PALLD: variants seen among roughly 807,000 people sequenced by gnomAD.
PALLD encodes the protein palladin, cytoskeletal associated protein.
Under a neutral mutation model 123.5 loss-of-function variants are expected in PALLD, and 61 were observed. That is an observed-to-expected ratio of 0.49 (90% CI 0.40 to 0.61). The LOEUF (loss-of-function observed/expected upper bound fraction) is 0.61. Among genes scored for constraint, PALLD ranks in the 20% least tolerant of loss-of-function variants. The pLI, the probability that PALLD is intolerant of heterozygous loss-of-function variation, is 0.00. For missense variants in PALLD, 1,273 were observed against 1,377.0 expected, an observed-to-expected ratio of 0.92 and a Z score of 1.20; for synonymous variants, 465 against 496.4, an observed-to-expected ratio of 0.94 and a Z score of 0.84.
At chr4:168,498,308 G>A (rs771258210) in intron 1 of PALLD, among the ~76,000 whole-genome samples, 49 of 151,844 alleles carry the variant, frequency 3.2e-4, no homozygotes, top group Non-Finnish European at 6.2e-4. Flanking sequence ...GTATCCCAGG[G>A]GTTCTGTGTC....
At chr4:168,905,790 C>CTTTTTTTTTT (rs59427697) in intron 15 of PALLD, among the ~76,000 whole-genome samples, 240 of 113,134 alleles carry the variant, frequency 2.1e-3, no homozygotes, top group South Asian at 3.4e-3. Flanking sequence ...GCTTTTTTTT[C>CTTTTTTTTTT]TTTTTTTTTT....
intron 17 of PALLD, among the ~76,000 whole-genome samples, chr4:168,917,045 TG>T (rs34363729): frequency 0.016 from 2,191 of 136,080 alleles, 53 homozygotes; most frequent in African/African-American, 0.041. Flanking sequence ...TTTGTTTTTT[TG>T]GGGTTTTTTT....
chr4:168,783,046 A>ATGTGTGTGTGTGTG (rs150595576), intron 10 of PALLD, among the ~76,000 whole-genome samples: 2 of 116,056 alleles, frequency 1.7e-5, no homozygotes, highest in African/African-American at 5.8e-5. Flanking sequence ...TTATATATAT[A>ATGTGTGTGTGTGTG]TGTGTGTGTG....
chr4:168,749,751 G>A (rs1730789530), intron 10 of PALLD, among the ~76,000 whole-genome samples: 1 of 152,072 alleles, frequency 6.6e-6, no homozygotes, highest in Non-Finnish European at 1.5e-5. Context: ...AGGTTCAGGA[G>A]GTACACGTGC....
chr4:168,921,257 A>C (rs993569302), intron 17 of PALLD, among the ~76,000 whole-genome samples: 4 of 151,832 alleles, frequency 2.6e-5, no homozygotes, highest in Non-Finnish European at 4.4e-5. Context: ...AATACTAAAA[A>C]TTAGGCTGGC....
intron 2 of PALLD, among the ~76,000 whole-genome samples, chr4:168,513,245 TAAATC>T (rs1266494026): frequency 6.6e-6 from 1 of 152,118 alleles, no homozygotes; most frequent in African/African-American, 2.4e-5. Flanking sequence ...GAAAGAAAGA[TAAATC>T]AAGTCAGGAG....
chr4:168,889,138 T>TTGTGTGTGTGTGTGTGTGTGTG (rs143065658), intron 10 of PALLD, among the ~76,000 whole-genome samples: 32 of 132,248 alleles, frequency 2.4e-4, no homozygotes, highest in African/African-American at 8.7e-4. Flanking sequence ...TTGCTTTATT[T>TTGTGTGTGTGTGTGTGTGTGTG]TGTGTGTGTG....
intron 10 of PALLD, among the ~76,000 whole-genome samples, chr4:168,796,801 C>A (rs1738577772): frequency 6.6e-6 from 1 of 152,138 alleles, no homozygotes; most frequent in Admixed American, 6.5e-5. Flanking sequence ...ACCCACTTAC[C>A]TTTTCATAGT....
chr4:168,517,648 G>C (rs575645905), intron 2 of PALLD, among the ~76,000 whole-genome samples: 1 of 152,250 alleles, frequency 6.6e-6, no homozygotes, highest in Non-Finnish European at 1.5e-5. Context: ...CTAAGGGTAA[G>C]AAAATATGGT....
intron 2 of PALLD, among the ~76,000 whole-genome samples, chr4:168,599,823 T>C (rs886509772): frequency 3.3e-5 from 5 of 152,206 alleles, no homozygotes. Context: ...AATCTTTCTA[T>C]GTATGTAACC....
intron 10 of PALLD, among the ~76,000 whole-genome samples, chr4:168,855,086 G>GTTA (rs1748381891): frequency 1.0e-5 from 1 of 100,178 alleles, no homozygotes. Context: ...GAGAAGGAAT[G>GTTA]TTCTTTTTTT....
At chr4:168,785,361 G>A (rs752047860) in intron 10 of PALLD, among the ~76,000 whole-genome samples, 9 of 151,996 alleles carry the variant, frequency 5.9e-5, no homozygotes, top group Admixed American at 1.3e-4. Flanking sequence ...AAGTTCACTC[G>A]GCTAGAACAT....
chr4:168,599,155 G>A (rs1772293324), intron 2 of PALLD, among the ~76,000 whole-genome samples: 1 of 152,180 alleles, frequency 6.6e-6, no homozygotes, highest in Non-Finnish European at 1.5e-5. Flanking sequence ...AGAATTCAGA[G>A]TTAAGAGATG....
intron 10 of PALLD, among the ~76,000 whole-genome samples, chr4:168,874,846 A>G (rs1240806327): frequency 6.6e-6 from 1 of 152,114 alleles, no homozygotes; most frequent in Non-Finnish European, 1.5e-5. Flanking sequence ...CCTTTCCTTC[A>G]GTATCAAAAC....
rs1486303113 is a variant in PALLD at position 168,862,489 on chromosome 4, ACAGT to A, written c.1965-28430_1965-28427del. On this transcript the variant is annotated intron_variant, in intron 10 of 21. Coordinates refer to ENST00000505667, the MANE Select transcript of PALLD (RefSeq NM_001166108.2). Reference sequence around the variant, plus strand: ...ATGACTACTGTACTGATTTTCAGGAACAGTCATTGTGCTTTAATTCTCTAAGCCA... The same window carrying A: ...ATGACTACTGTACTGATTTTCAGGAACATTGTGCTTTAATTCTCTAAGCCA... Among the ~76,000 whole-genome samples, 6 of 152,216 alleles carry A rather than the reference ACAGT, an allele frequency of 3.9e-5. 1 individual carries two copies. The South Asian group carries it at 1.0e-3, about 26-fold the overall frequency.
intron 3 of PALLD, among the ~76,000 whole-genome samples, chr4:168,673,402 C>T (rs1171358207): frequency 6.6e-6 from 1 of 152,072 alleles, no homozygotes; most frequent in Non-Finnish European, 1.5e-5. Context: ...GGAACAAATG[C>T]CCTGGTGAGG....
intron 2 of PALLD, among the ~76,000 whole-genome samples, chr4:168,622,850 C>T (rs1401610385): frequency 6.6e-6 from 1 of 152,174 alleles, no homozygotes; most frequent in Non-Finnish European, 1.5e-5. Flanking sequence ...TCCAGTCACC[C>T]GTGCCTTGGG....
At chr4:168,854,755 G>A (rs985243289) in intron 10 of PALLD, among the ~76,000 whole-genome samples, 1 of 152,146 alleles carries the variant, frequency 6.6e-6, no homozygotes, top group Admixed American at 6.5e-5. Context: ...ACGACAGAGA[G>A]GAAAAGAGAA....
intron 9 of PALLD, among the ~76,000 whole-genome samples, chr4:168,709,524 A>G (rs1407305436): frequency 0.38 from 206 of 548 alleles, 8 homozygotes; most frequent in African/African-American, 0.45. Flanking sequence ...GGAAGGAAGG[A>G]AGGAAGGAAG....
Sources: allele counts gnomAD v4.1 joint callset (sites outside exome capture counted in the v4.1 genomes callset), GRCh38; gene constraint gnomAD v4.1.1; transcripts MANE v1.5; gene names NCBI Gene and HGNC (gene_info 2026-07-23, HGNC 2026-07-21).